The following SAMD5 variants were observed in gnomAD, a reference collection of about 807,000 sequenced individuals.
SAMD5 encodes sterile alpha motif domain containing 5.
SAMD5 carries 13 observed loss-of-function variants against 11.3 expected under a neutral mutation model. The ratio of observed to expected loss-of-function variants is 1.15; its 90% CI spans 0.75 to 1.83. The LOEUF is 1.83. Ranked by LOEUF, SAMD5 falls within the 40% of genes most tolerant of loss-of-function variation. The probability of loss-of-function intolerance (pLI) is 0.00; values close to 1 mark genes in which losing one functional copy is unlikely to be tolerated. For missense variants in SAMD5, 255 were observed against 239.1 expected (o/e 1.07, Z -0.44); for synonymous variants, 129 against 111.3 (o/e 1.16, Z -1.00).
the SAMD5 span, among the ~76,000 whole-genome samples, chr6:147,838,938 C>T: frequency 6.6e-6 from 1 of 152,160 alleles, no homozygotes; most frequent in Non-Finnish European, 1.5e-5. Flanking sequence ...ATTTTGGGGT[C>T]AAAGGCAAGG....
At chr6:147,747,541 G>T in the SAMD5 span, among the ~76,000 whole-genome samples, 11 of 152,054 alleles carry the variant, frequency 7.2e-5, no homozygotes, top group Admixed American at 7.2e-4. Context: ...TTGAGACGGG[G>T]TCTCTATCAC....
intron 1 of SAMD5, among the ~76,000 whole-genome samples, chr6:147,578,139 A>G (rs1002230895): frequency 6.6e-6 from 1 of 152,298 alleles, no homozygotes; most frequent in Middle Eastern, 3.4e-3. Flanking sequence ...AGAGCCATGC[A>G]TTTAGTTTAC....
At chr6:147,859,499 A>C in the SAMD5 span, among the ~76,000 whole-genome samples, 1 of 152,200 alleles carries the variant, frequency 6.6e-6, no homozygotes, top group Non-Finnish European at 1.5e-5. Context: ...AGATGATGAG[A>C]CTTTGTTGGC....
chr6:147,703,493 A>G (rs1362220024), intron 1 of SAMD5, among the ~76,000 whole-genome samples: 3 of 152,248 alleles, frequency 2.0e-5, no homozygotes, highest in Non-Finnish European at 4.4e-5. Flanking sequence ...ATAATGAAAC[A>G]CATTTCCACA....
At chr6:147,942,962 C>T in the SAMD5 span, among the ~76,000 whole-genome samples, 24 of 151,962 alleles carry the variant, frequency 1.6e-4, no homozygotes, top group South Asian at 4.2e-3. Context: ...TACAGGTGCA[C>T]GCCACCATGC....
the SAMD5 span, among the ~76,000 whole-genome samples, chr6:147,789,623 GTTA>G: frequency 6.6e-6 from 1 of 152,150 alleles, no homozygotes; most frequent in Non-Finnish European, 1.5e-5. Context: ...CTGATACATT[GTTA>G]TTATCATTAC....
rs934901427 is a variant in SAMD5 at position 147,620,994 on chromosome 6, G to A, written c.162+111607G>A. 3.3e-3 allele frequency among the ~76,000 whole-genome samples: 168 copies of A among 50,292 alleles called. 1 individual carries two copies. Among genetic ancestry groups the A allele is most frequent in the African/African-American group, 7.5e-3 (155 of 20,746 alleles). 33.0% of individuals were successfully genotyped at this position (50,292 alleles called of 152,430 possible). A position where few individuals can be genotyped will look rare whatever the true frequency, so the allele number is the denominator to read the frequency against. On this transcript the variant is annotated intron_variant, in intron 1 of 1. Coordinates refer to the SAMD5 transcript ENST00000566741. ...TGTGTGTGTGTGTGTGTGTGTGCGCGCGCGCACATGCGCGCGCATGTAGGG... is the reference window on the plus strand; with the variant it reads ...TGTGTGTGTGTGTGTGTGTGTGCGCACGCGCACATGCGCGCGCATGTAGGG...
At chr6:147,639,464 G>A (rs1356004320) in intron 1 of SAMD5, among the ~76,000 whole-genome samples, 1 of 152,172 alleles carries the variant, frequency 6.6e-6, no homozygotes, top group Non-Finnish European at 1.5e-5. Context: ...CCCGTGATGA[G>A]TAAGAAAGAC....
chr6:147,895,126 A>G, the SAMD5 span, among the ~76,000 whole-genome samples: 1 of 152,272 alleles, frequency 6.6e-6, no homozygotes, highest in South Asian at 2.1e-4. Flanking sequence ...AGTGCAGCTT[A>G]GGAGGAGCCC....
intron 1 of SAMD5, among the ~76,000 whole-genome samples, chr6:147,540,916 TG>T (rs539307475): frequency 7.1e-6 from 1 of 141,564 alleles, no homozygotes; most frequent in Admixed American, 7.4e-5. Flanking sequence ...ACCATAGCTG[TG>T]GGGTTCAAGC....
the SAMD5 span, among the ~76,000 whole-genome samples, chr6:147,830,231 T>TTTTC: frequency 1.0e-3 from 154 of 148,600 alleles, 1 homozygote; most frequent in African/African-American, 3.3e-3. Flanking sequence ...CCAATAAGCT[T>TTTTC]TTTCTTTCTT....
At chr6:147,885,590 G>A in the SAMD5 span, among the ~76,000 whole-genome samples, 1 of 152,036 alleles carries the variant, frequency 6.6e-6, no homozygotes, top group Admixed American at 6.6e-5. Flanking sequence ...TTAAGGAAAT[G>A]CAAAAAATTT....
chr6:147,857,787 T>C, the SAMD5 span, among the ~76,000 whole-genome samples: 1 of 152,242 alleles, frequency 6.6e-6, no homozygotes, highest in Non-Finnish European at 1.5e-5. Context: ...AAAGGGCTAA[T>C]TAATTGGCAT....
chr6:147,766,138 A>C, the SAMD5 span, among the ~76,000 whole-genome samples: 3 of 151,844 alleles, frequency 2.0e-5, no homozygotes, highest in Non-Finnish European at 4.4e-5. Flanking sequence ...ATTGGGACAT[A>C]AATAATGGAT....
intron 1 of SAMD5, among the ~76,000 whole-genome samples, chr6:147,541,785 C>T (rs545685613): frequency 5.9e-5 from 9 of 152,296 alleles, no homozygotes; most frequent in South Asian, 4.1e-4. Context: ...TCCTATTCTC[C>T]GTCTGAGAAA....
chr6:147,564,729 C>A lies in SAMD5; in HGVS notation c.*273C>A. On this transcript the variant is annotated 3_prime_UTR_variant, in exon 2 of 2. Coordinates refer to ENST00000367474, the MANE Select transcript of SAMD5 (RefSeq NM_001030060.3). ...TATCATGATGAGATACAGTCTTATG[C>A]ATTTCTTGGCATTCTCCCTTCCATT... 1 of 1,086,618 alleles carries A rather than the reference C, an allele frequency of 9.2e-7. No homozygotes were observed. The highest frequency in any genetic ancestry group is 1.1e-6 in the Non-Finnish European group (1 of 894,962). The allele number at this position is 1,086,618 out of a possible 1,614,324, so 67.3% of individuals were successfully genotyped here. A position where few individuals can be genotyped will look rare whatever the true frequency, so the allele number is the denominator to read the frequency against.
Position 147,565,055 on chromosome 6 carries a change from G to A in SAMD5, c.*599G>A, listed in dbSNP as rs1388795839. ...TGTATATTGGTACAATGTTAAAGGTGATGAATTAAGGAACATCACCAAGAG... is the reference window on the plus strand; with the variant it reads ...TGTATATTGGTACAATGTTAAAGGTAATGAATTAAGGAACATCACCAAGAG... On this transcript the variant is annotated 3_prime_UTR_variant, in exon 2 of 2. Coordinates refer to ENST00000367474, the MANE Select transcript of SAMD5 (RefSeq NM_001030060.3). 1 of 977,940 alleles carries A rather than the reference G, an allele frequency of 1.0e-6. No individual in the cohort carries two copies. Among genetic ancestry groups the A allele is most frequent in the Non-Finnish European group, 1.2e-6 (1 of 823,278 alleles). The allele number at this position is 977,940 out of a possible 1,614,324, so 60.6% of individuals were successfully genotyped here. A position where few individuals can be genotyped will look rare whatever the true frequency, so the allele number is the denominator to read the frequency against.
At chr6:147,721,800 A>G (rs1037804134) in intron 1 of SAMD5, among the ~76,000 whole-genome samples, 1 of 152,198 alleles carries the variant, frequency 6.6e-6, no homozygotes, top group Non-Finnish European at 1.5e-5. Context: ...TGAAAGTTTT[A>G]TACAATTGCA....
the SAMD5 span, among the ~76,000 whole-genome samples, chr6:147,840,034 CTGT>C: frequency 6.6e-6 from 1 of 152,114 alleles, no homozygotes; most frequent in African/African-American, 2.4e-5. Context: ...TGTATTAGTT[CTGT>C]TGTTTAATTT....
Sources: allele counts gnomAD v4.1 joint callset (sites outside exome capture counted in the v4.1 genomes callset), GRCh38; gene constraint gnomAD v4.1.1; transcripts MANE v1.5; gene names NCBI Gene and HGNC (gene_info 2026-07-23, HGNC 2026-07-21).